PGBD2: variants seen among roughly 807,000 people sequenced by gnomAD.
PGBD2 encodes the protein piggyBac transposable element-derived protein 2.
PGBD2 carries 6 observed loss-of-function variants against 8.1 expected under a neutral mutation model. The observed-to-expected ratio is 0.74, with a 90% confidence interval of 0.40 to 1.46. The LOEUF (loss-of-function observed/expected upper bound fraction) is 1.46, where lower values mean the gene tolerates loss of function less well. Among genes scored for constraint, PGBD2 ranks in the 40% most tolerant of loss-of-function variants. The pLI is 0.02. For synonymous variants in PGBD2, 318 were observed against 272.2 expected (o/e 1.17, Z -1.66); for missense variants, 802 against 739.0 (o/e 1.09, Z -0.99).
At chr1:248,901,626 A>G (rs1280092350), upstream of PGBD2, among the ~76,000 whole-genome samples, 1 of 152,222 alleles carries the variant, frequency 6.6e-6, no homozygotes, top group East Asian at 1.9e-4. Context: ...AAAATCCAAA[A>G]CTATAAAAAC....
chr1:248,912,354 C>G (rs1324531501), intron 1 of PGBD2, among the ~76,000 whole-genome samples: 2 of 152,150 alleles, frequency 1.3e-5, no homozygotes, highest in African/African-American at 2.4e-5. Context: ...ATTAGATGCC[C>G]TTGGACACTA....
downstream of PGBD2, among the ~76,000 whole-genome samples, chr1:248,920,345 G>A (rs552944980): frequency 2.2e-4 from 33 of 150,304 alleles, no homozygotes; most frequent in African/African-American, 7.6e-4. Context: ...CCCTCCCTAT[G>A]TCCATGTGTT....
Position 248,917,436 on chromosome 1 carries a change from GC to G in PGBD2, c.853del (p.His285ThrfsTer42). On this transcript the variant is annotated frameshift_variant, in exon 3 of 3. Coordinates refer to ENST00000329291, the MANE Select transcript of PGBD2 (RefSeq NM_170725.3). LOFTEE classifies it low-confidence loss of function (END_TRUNC). ...YFGHRGSKQL[H>X]RGKPVRLGYK... ...TTGGGCACCGGGGGTCCAAGCAGCT[GC>G]ACAGGGGGAAGCCTGTGCGACTTGG... The G allele has an allele frequency of 1.2e-6, 2 of 1,614,120 alleles. No individual in the cohort carries two copies. The highest frequency in any genetic ancestry group is 1.7e-6 in the Non-Finnish European group (2 of 1,180,022).
chr1:248,929,047 A>G, the PGBD2 span, among the ~76,000 whole-genome samples: 4 of 152,320 alleles, frequency 2.6e-5, no homozygotes, highest in Non-Finnish European at 4.4e-5. Flanking sequence ...GTGTTTATTC[A>G]TTAAATTTTT....
At chr1:248,915,756 C>T (rs934683813) in intron 2 of PGBD2, among the ~76,000 whole-genome samples, 1 of 152,168 alleles carries the variant, frequency 6.6e-6, no homozygotes, top group African/African-American at 2.4e-5. Flanking sequence ...CGCAAGGGAG[C>T]TATCTGAAAA....
chr1:248,883,357 A>G, the PGBD2 span, among the ~76,000 whole-genome samples: 5 of 152,098 alleles, frequency 3.3e-5, no homozygotes, highest in African/African-American at 1.2e-4. Context: ...TCCCAACCTC[A>G]GGTGATCCGC....
rs1320910647 is a variant in PGBD2 at position 248,918,222 on chromosome 1, C to T, written c.1638C>T (p.Arg546=). The T allele has an allele frequency of 1.2e-6, 2 of 1,614,142 alleles. No individual in the cohort carries two copies. Among genetic ancestry groups the T allele is most frequent in the South Asian group, 2.2e-5 (2 of 91,078 alleles). The change falls in exon 3 of 3, where the codon CGC becomes CGT. Residue 546 remains arginine, a synonymous_variant. Coordinates refer to ENST00000329291, the MANE Select transcript of PGBD2 (RefSeq NM_170725.3). The part of the protein sequence containing the change: ...RRSRRLETES[R]FDMIGHWIIH... ...GCAGGCGGTTGGAGACTGAGAGCCG[C>T]TTCGATATGATTGGGCACTGGATTA...
the PGBD2 span, among the ~76,000 whole-genome samples, chr1:248,895,493 T>C: frequency 6.6e-6 from 1 of 152,146 alleles, no homozygotes; most frequent in East Asian, 1.9e-4. Flanking sequence ...TCGTGTCTGG[T>C]GCTGTTAGAC....
chr1:248,914,372 A>G, intron 2 of PGBD2: 1 of 982,142 alleles, frequency 1.0e-6, no homozygotes, highest in Non-Finnish European at 1.2e-6. Context: ...CCCTTACTCC[A>G]AGGTCCATGA....
intron 1 of PGBD2, among the ~76,000 whole-genome samples, chr1:248,911,333 T>C (rs993964542): frequency 3.3e-5 from 5 of 151,486 alleles, no homozygotes; most frequent in East Asian, 3.9e-4. Flanking sequence ...ACGAGCATCC[T>C]GCCTTCAAGC....
In PGBD2 at chr1:248,918,143, T is replaced by C. The variant is rs781243976; in HGVS notation, c.1559T>C (p.Ile520Thr). 14 of 1,614,204 alleles carry C rather than the reference T, an allele frequency of 8.7e-6. 1 individual carries two copies. Among genetic ancestry groups the C allele is most frequent in the Non-Finnish European group, 1.1e-5 (13 of 1,180,032 alleles). The change falls in exon 3 of 3, where the codon ATT (isoleucine) becomes ACT (threonine). Residue 520 changes from isoleucine to threonine, a missense_variant. By Grantham distance (89) the Ile-to-Thr change is moderately conservative. Transcript: ENST00000329291. ...QVDLLAFRRY[I>T]ACVYLESNAD... ...GACCTCCTTGCCTTCCGGAGATACA[T>C]TGCCTGTGTGTATCTGGAGAGCAAT... is the stretch of plus-strand genomic sequence containing the variant.
At chr1:248,879,700 T>C in the PGBD2 span, among the ~76,000 whole-genome samples, 1 of 152,204 alleles carries the variant, frequency 6.6e-6, no homozygotes, top group African/African-American at 2.4e-5. Context: ...GTGCCCTGCC[T>C]AAGTTATCTT....
downstream of PGBD2, among the ~76,000 whole-genome samples, chr1:248,922,591 G>C (rs183868793): frequency 2.0e-5 from 3 of 152,270 alleles, no homozygotes; most frequent in Admixed American, 2.0e-4. Flanking sequence ...TTGGCTATGA[G>C]TTTGTCATAA....
upstream of PGBD2, among the ~76,000 whole-genome samples, chr1:248,905,044 G>T (rs545905785): frequency 6.6e-6 from 1 of 152,302 alleles, no homozygotes; most frequent in South Asian, 2.1e-4. Flanking sequence ...AACAAAGCAA[G>T]TTAGAAACAC....
chr1:248,918,908 T>C lies in PGBD2; in HGVS notation c.*545T>C, dbSNP rs1227938914. ...AATGAAAATATTTTCCTAATACACA[T>C]ATATCAATGTGAGATTCATTTTTGT... On this transcript the variant is annotated 3_prime_UTR_variant, in exon 3 of 3. Coordinates refer to ENST00000329291, the MANE Select transcript of PGBD2 (RefSeq NM_170725.3). 2 of 167,054 alleles carry C rather than the reference T, an allele frequency of 1.2e-5. No homozygotes were observed. Among genetic ancestry groups the C allele is most frequent in the African/African-American group, 2.4e-5 (1 of 41,446 alleles). The allele number at this position is 167,054 out of a possible 1,614,324, so 10.3% of individuals were successfully genotyped here. A position where few individuals can be genotyped will look rare whatever the true frequency, so the allele number is the denominator to read the frequency against.
At chr1:248,929,880 G>A in the PGBD2 span, among the ~76,000 whole-genome samples, 2 of 152,180 alleles carry the variant, frequency 1.3e-5, no homozygotes, top group Admixed American at 6.5e-5. Flanking sequence ...CTAGAATGGG[G>A]TCAAGGACTC....
the PGBD2 span, among the ~76,000 whole-genome samples, chr1:248,927,947 G>A: frequency 5.9e-5 from 9 of 152,170 alleles, no homozygotes; most frequent in Non-Finnish European, 1.5e-5. Context: ...AAGGGAGCAG[G>A]CTGGGAAACT....
the PGBD2 span, among the ~76,000 whole-genome samples, chr1:248,874,490 A>G: frequency 3.2e-4 from 48 of 152,362 alleles, no homozygotes; most frequent in African/African-American, 1.1e-3. Flanking sequence ...ATATGTAGTC[A>G]GTGTCTTTAC....
chr1:248,912,179 C>T (rs1661916439), intron 1 of PGBD2, among the ~76,000 whole-genome samples: 1 of 152,104 alleles, frequency 6.6e-6, no homozygotes, highest in Non-Finnish European at 1.5e-5. Context: ...TCCCCCTACT[C>T]CTATAATTAA....
Sources: allele counts gnomAD v4.1 joint callset (sites outside exome capture counted in the v4.1 genomes callset), GRCh38; gene constraint gnomAD v4.1.1; transcripts MANE v1.5; gene names NCBI Gene and HGNC (gene_info 2026-07-23, HGNC 2026-07-21).